CNGA3: variants seen among roughly 807,000 people sequenced by gnomAD.
CNGA3 encodes the protein cyclic nucleotide gated channel subunit alpha 3.
CNGA3 carries 42 observed loss-of-function variants against 46.6 expected under a neutral mutation model. The observed-to-expected ratio is 0.90, with a 90% CI of 0.70 to 1.17. The LOEUF is 1.17. Among genes scored for constraint, CNGA3 ranks in the 50% most tolerant of loss-of-function variants. The pLI, the probability that CNGA3 is intolerant of heterozygous loss-of-function variation, is 0.00. For synonymous variants in CNGA3, 394 were observed against 369.4 expected (o/e 1.07, Z -0.76); for missense variants, 893 against 890.7 (o/e 1.00, Z -0.03).
intron 1 of CNGA3, among the ~76,000 whole-genome samples, chr2:98,364,296 T>A (rs1692098861): frequency 6.6e-6 from 1 of 152,180 alleles, no homozygotes; most frequent in African/African-American, 2.4e-5. Context: ...GAGAATCACT[T>A]GAACCCAGGA....
chr2:98,360,332 A>T (rs932534370), intron 1 of CNGA3, among the ~76,000 whole-genome samples: 3 of 152,208 alleles, frequency 2.0e-5, no homozygotes, highest in African/African-American at 7.2e-5. Flanking sequence ...TGGCAGTGGG[A>T]CCAGAGTTTG....
chr2:98,378,607 GTTTA>G (rs1692467538), intron 3 of CNGA3, among the ~76,000 whole-genome samples: 1 of 152,182 alleles, frequency 6.6e-6, no homozygotes, highest in African/African-American at 2.4e-5. Context: ...CTCCACCATT[GTTTA>G]TTTAACTAGT....
In CNGA3 at chr2:98,392,287, C is replaced by T. The variant is rs1345650238; in HGVS notation, c.673+317C>T. On this transcript the variant is annotated intron_variant, in intron 7 of 7. Transcript: ENST00000272602. Reference sequence around the variant, plus strand: ...TGAGATAAGCAGGCCAGGCCAGGTGCAGTGGCTCACATCTGTAATCCTAGG... The same window carrying T: ...TGAGATAAGCAGGCCAGGCCAGGTGTAGTGGCTCACATCTGTAATCCTAGG... Among the ~76,000 whole-genome samples the T allele has an allele frequency of 2.0e-5, 3 of 152,280 alleles. No individual in the cohort carries two copies. The East Asian group carries it at 5.8e-4, about 29-fold the overall frequency.
chr2:98,380,422 C>T, intron 4 of CNGA3, 68 bp downstream of exon 4: 1 of 1,555,692 alleles, frequency 6.4e-7, no homozygotes, highest in Non-Finnish European at 8.7e-7. Flanking sequence ...CTGTGCTTTG[C>T]TCCATCCTGT....
In CNGA3 at chr2:98,369,004, G is replaced by C. The variant is rs532122622; in HGVS notation, c.-37-935G>C. Among the ~76,000 whole-genome samples the C allele has an allele frequency of 5.0e-4, 76 of 152,332 alleles. 1 individual carries two copies. Among genetic ancestry groups the C allele is most frequent in the Non-Finnish European group, 6.0e-4 (41 of 68,030 alleles). ...CTTTAACAGTAACTGGGGAAGTTGC[G>C]AATCTTACGACCTCTGGAATAATGG... is the stretch of plus-strand genomic sequence containing the variant. On this transcript the variant is annotated intron_variant, in intron 1 of 7. Coordinates refer to ENST00000272602, the MANE Select transcript of CNGA3 (RefSeq NM_001298.3).
chr2:98,364,823 C>A (rs944578943), intron 1 of CNGA3, among the ~76,000 whole-genome samples: 3 of 152,174 alleles, frequency 2.0e-5, no homozygotes, highest in Admixed American at 6.5e-5. Flanking sequence ...TGAATCCCCT[C>A]AGCATTTACT....
chr2:98,363,031 A>G (rs1371375271), intron 1 of CNGA3, among the ~76,000 whole-genome samples: 1 of 152,176 alleles, frequency 6.6e-6, no homozygotes, highest in Non-Finnish European at 1.5e-5. Flanking sequence ...TTGTATCAGT[A>G]CCATGCTGTT....
chr2:98,367,255 C>A (rs1170512162), intron 1 of CNGA3, among the ~76,000 whole-genome samples: 1 of 145,834 alleles, frequency 6.9e-6, no homozygotes, highest in Non-Finnish European at 1.5e-5. Context: ...AGTGCAGTGG[C>A]GCGATCTCGG....
intron 1 of CNGA3, among the ~76,000 whole-genome samples, chr2:98,359,941 G>C (rs1241719483): frequency 6.6e-6 from 1 of 152,228 alleles, no homozygotes; most frequent in Non-Finnish European, 1.5e-5. Flanking sequence ...CAGGGGCAGG[G>C]TTCCCGGTGG....
intron 2 of CNGA3, among the ~76,000 whole-genome samples, chr2:98,376,879 T>A (rs62156347): frequency 0.03 from 4,511 of 152,264 alleles, 100 homozygotes; most frequent in Non-Finnish European, 0.049. Flanking sequence ...CCAGACGCAT[T>A]CCTAGTCTTA....
chr2:98,350,317 G>A (rs757359895), intron 1 of CNGA3, among the ~76,000 whole-genome samples: 5 of 152,140 alleles, frequency 3.3e-5, no homozygotes, highest in East Asian at 3.9e-4. Flanking sequence ...CTGACATATC[G>A]TAAGTGCTCA....
At position 98,396,705 on chromosome 2, in the gene CNGA3, A is replaced by G; in HGVS notation, c.1535A>G (p.Lys512Arg). The change falls in exon 8 of 8, where the codon AAG becomes AGG. Residue 512 changes from lysine to arginine, a missense_variant. This residue lies in a region of CNGA3 where 548 missense variants were observed against 570.8 expected (regional missense o/e 0.96). Transcript: ENST00000272602. ...AGCCCTGGGGATTATATCTGCAAGA[A>G]GGGAGATATTGGGAAGGAGATGTAC... is the stretch of plus-strand genomic sequence containing the variant. ...VFSPGDYICK[K>R]GDIGKEMYII... 6.2e-7 allele frequency: 1 copy of G among 1,614,150 alleles called. No individual in the cohort carries two copies. The highest frequency in any genetic ancestry group is 1.1e-5 in the South Asian group (1 of 91,078).
chr2:98,352,768 A>G (rs1691794830), intron 1 of CNGA3, among the ~76,000 whole-genome samples: 2 of 152,228 alleles, frequency 1.3e-5, no homozygotes. Context: ...GAGCTGGGAC[A>G]TCATCAGTTT....
At chr2:98,375,710 T>C (rs1042386244) in intron 2 of CNGA3, among the ~76,000 whole-genome samples, 1 of 152,222 alleles carries the variant, frequency 6.6e-6, no homozygotes, top group African/African-American at 2.4e-5. Flanking sequence ...GCAATGTCTC[T>C]AGTGGCATGC....
chr2:98,380,086 G>A (rs1692501447), intron 3 of CNGA3, 89 bp from the exon 4 acceptor site: 2 of 1,436,088 alleles, frequency 1.4e-6, no homozygotes, highest in Non-Finnish European at 1.9e-6. Flanking sequence ...CAGAGAGGGA[G>A]GGAGAAAGAG....
chr2:98,352,322 C>T (rs1364756858), intron 1 of CNGA3, among the ~76,000 whole-genome samples: 1 of 152,168 alleles, frequency 6.6e-6, no homozygotes, highest in Non-Finnish European at 1.5e-5. Flanking sequence ...CTTAGGGCTA[C>T]TGTAAATAAT....
Position 98,383,427 on chromosome 2 carries a change from C to T in CNGA3, c.435C>T (p.Asn145=). Reference sequence around the variant, plus strand: ...CCAAATGCAACACTAACACCAGCAACAACACGGAGGAGGAGTAAGTACCCA... The same window carrying T: ...CCAAATGCAACACTAACACCAGCAATAACACGGAGGAGGAGTAAGTACCCA... The part of the protein sequence containing the change: ...PLAKCNTNTS[N]NTEEEKKTKK... Residue 145 remains asparagine, a synonymous_variant, in exon 5 of 8, where the codon AAC becomes AAT. Coordinates refer to ENST00000272602, the MANE Select transcript of CNGA3 (RefSeq NM_001298.3). The T allele has an allele frequency of 6.2e-7, 1 of 1,614,212 alleles. No individual in the cohort carries two copies. Among genetic ancestry groups the T allele is most frequent in the Non-Finnish European group, 8.5e-7 (1 of 1,180,032 alleles).
At chr2:98,351,973 G>A (rs562662604) in intron 1 of CNGA3, among the ~76,000 whole-genome samples, 51 of 152,254 alleles carry the variant, frequency 3.3e-4, no homozygotes, top group African/African-American at 1.2e-3. Flanking sequence ...TTTCAACACT[G>A]TCAAAAGGGA....
At position 98,347,902 on chromosome 2, in the gene CNGA3, G is replaced by A. The variant is rs559047189; in HGVS notation, c.-38+1368G>A. Among the ~76,000 whole-genome samples, 3 of 152,354 alleles carry A rather than the reference G, an allele frequency of 2.0e-5. No homozygotes were observed. In the South Asian group the frequency reaches 6.2e-4, roughly 32 times the overall value. The stretch of plus-strand genomic sequence containing the variant: ...CATGAAAACCAGCAAGAATAGTGCT[G>A]TCTGGGCACGGAGTCCAATGTACAG... On this transcript the variant is annotated intron_variant, in intron 1 of 7. Transcript: ENST00000272602.
Sources: allele counts gnomAD v4.1 joint callset (sites outside exome capture counted in the v4.1 genomes callset), GRCh38; gene constraint gnomAD v4.1.1; regional missense constraint gnomAD v4.1.1; transcripts MANE v1.5; gene names NCBI Gene and HGNC (gene_info 2026-07-23, HGNC 2026-07-21).